Variants in WFDC9 observed in about 807,000 individuals in gnomAD.
The protein encoded by WFDC9 is protein WFDC9.
A neutral mutation model predicts 9.5 loss-of-function variants in WFDC9; 9 were observed. The ratio of observed to expected loss-of-function variants is 0.95; its 90% confidence interval spans 0.57 to 1.65. WFDC9 has a LOEUF of 1.65. Ranked by LOEUF, WFDC9 falls within the 40% of genes most tolerant of loss-of-function variation. WFDC9 has a pLI of 0.00. For missense variants in WFDC9, 87 were observed against 106.7 expected (o/e 0.82, Z 0.81); for synonymous variants, 33 against 32.3 (o/e 1.02, Z -0.07).
At chr20:45,609,207 C>T (rs1394262851) in intron 3 of WFDC9, among the ~76,000 whole-genome samples, 1 of 143,408 alleles carries the variant, frequency 7.0e-6, no homozygotes, top group Non-Finnish European at 1.5e-5. Context: ...TTCCCCTTCT[C>T]TTTTTTTTTT....
chr20:45,610,218 G>C lies in WFDC9; in HGVS notation c.-37C>G, dbSNP rs781207910. 6.3e-7 allele frequency: 1 copy of C among 1,585,122 alleles called. No homozygotes were observed. The highest frequency in any genetic ancestry group is 1.3e-5 in the African/African-American group (1 of 74,504). ...TGTGTATTTGGGTTAAGTTCTGGCA[G>C]AAGGCAAGTCTTTTCCCAATACTGC... On this transcript the variant is annotated 5_prime_UTR_variant, in exon 3 of 5. Coordinates refer to ENST00000326000, the MANE Select transcript of WFDC9 (RefSeq NM_147198.4).
At chr20:45,621,468 G>A (rs1982098420) in intron 1 of WFDC9, among the ~76,000 whole-genome samples, 1 of 152,196 alleles carries the variant, frequency 6.6e-6, no homozygotes, top group African/African-American at 2.4e-5. Context: ...CTGCTTACAA[G>A]GTTGGCTCTT....
chr20:45,630,715 G>C (rs999948524), intron 1 of WFDC9, among the ~76,000 whole-genome samples: 3 of 152,026 alleles, frequency 2.0e-5, no homozygotes, highest in Non-Finnish European at 4.4e-5. Context: ...CCAATCACTA[G>C]GATTTGGTGA....
chr20:45,625,054 G>A (rs1030611011), intron 1 of WFDC9, among the ~76,000 whole-genome samples: 1 of 152,148 alleles, frequency 6.6e-6, no homozygotes, highest in East Asian at 1.9e-4. Context: ...ACCTGAGACT[G>A]GGTAATTTAT....
At chr20:45,618,227 G>A (rs895584406) in intron 1 of WFDC9, among the ~76,000 whole-genome samples, 2 of 152,198 alleles carry the variant, frequency 1.3e-5, no homozygotes, top group African/African-American at 4.8e-5. Flanking sequence ...AAATTGAAGA[G>A]TTGGGGTCTT....
rs137887890 is a variant in WFDC9, at chr20:45,610,955, A to G, written c.-58-716T>C. Among the ~76,000 whole-genome samples, 473 of 152,352 alleles carry G rather than the reference A, an allele frequency of 3.1e-3. 3 individuals are homozygous for G. The highest frequency in any genetic ancestry group is 4.5e-3 in the Non-Finnish European group (309 of 68,038). The stretch of plus-strand genomic sequence containing the variant: ...CTATGTGATCCTAGAAGTCTATGGG[A>G]ACACAGTAGACTTGAATCATGACTG... On this transcript the variant is annotated intron_variant, in intron 2 of 4. Coordinates refer to ENST00000326000, the MANE Select transcript of WFDC9 (RefSeq NM_147198.4).
At chr20:45,622,738 T>C (rs1384868152) in intron 1 of WFDC9, among the ~76,000 whole-genome samples, 1 of 151,824 alleles carries the variant, frequency 6.6e-6, no homozygotes, top group Non-Finnish European at 1.5e-5. Flanking sequence ...CAATATCTAC[T>C]CTAATCTATT....
intron 1 of WFDC9, among the ~76,000 whole-genome samples, chr20:45,617,454 C>CA (rs901806721): frequency 7.9e-5 from 12 of 151,750 alleles, no homozygotes; most frequent in African/African-American, 2.9e-4. Context: ...GACTCCATCT[C>CA]AAAAAAAATT....
chr20:45,620,258 T>C (rs1255761712), intron 1 of WFDC9, among the ~76,000 whole-genome samples: 1 of 152,162 alleles, frequency 6.6e-6, no homozygotes, highest in Non-Finnish European at 1.5e-5. Context: ...TCATTTGGAA[T>C]TTTTTAGGCT....
chr20:45,613,205 A>C (rs1199275122), intron 2 of WFDC9, among the ~76,000 whole-genome samples: 1 of 152,222 alleles, frequency 6.6e-6, no homozygotes, highest in African/African-American at 2.4e-5. Flanking sequence ...ATTTATACAT[A>C]GGACGATGGG....
chr20:45,608,826 T>C lies in WFDC9; in HGVS notation c.92-16A>G. On this transcript the variant is annotated splice_polypyrimidine_tract_variant and intron_variant, in intron 3 of 4. Coordinates refer to ENST00000326000, the MANE Select transcript of WFDC9 (RefSeq NM_147198.4). The stretch of plus-strand genomic sequence containing the variant: ...ATATCTAGAACTGAGATGGAAGAAG[T>C]TAGCAGGGTCCGTCTATTCACAACT... The C allele has an allele frequency of 6.2e-7, 1 of 1,605,174 alleles. No homozygotes were observed. Among genetic ancestry groups the C allele is most frequent in the East Asian group, 2.2e-5 (1 of 44,526 alleles).
chr20:45,620,485 G>A (rs780056969), intron 1 of WFDC9, among the ~76,000 whole-genome samples: 7 of 151,780 alleles, frequency 4.6e-5, no homozygotes, highest in South Asian at 2.1e-4. Context: ...CCAGCTATTC[G>A]GGAGGCTGAG....
At chr20:45,625,968 T>C (rs1038238150) in intron 1 of WFDC9, among the ~76,000 whole-genome samples, 1 of 151,792 alleles carries the variant, frequency 6.6e-6, no homozygotes, top group Non-Finnish European at 1.5e-5. Flanking sequence ...ACTACAGGTA[T>C]GCACCACCAT....
chr20:45,608,174 C>G (rs200191490), intron 4 of WFDC9, 34 bp from the exon 5 acceptor site: 10 of 1,599,866 alleles, frequency 6.3e-6, no homozygotes, highest in Non-Finnish European at 8.5e-6. Context: ...AGTCAAGAAT[C>G]CTGGGATAAA....
intron 1 of WFDC9, among the ~76,000 whole-genome samples, chr20:45,618,672 C>T (rs576341411): frequency 3.3e-5 from 5 of 152,084 alleles, no homozygotes; most frequent in South Asian, 4.2e-4. Flanking sequence ...ATTTATTGTT[C>T]GCCATGTCCT....
intron 1 of WFDC9, among the ~76,000 whole-genome samples, chr20:45,625,867 A>G (rs1461496247): frequency 2.7e-5 from 3 of 110,632 alleles, no homozygotes; most frequent in Non-Finnish European, 5.0e-5. Flanking sequence ...CCCAGGCTGG[A>G]GTGCAGTGGC....
At chr20:45,617,286 C>T (rs1981992786) in intron 1 of WFDC9, among the ~76,000 whole-genome samples, 1 of 152,126 alleles carries the variant, frequency 6.6e-6, no homozygotes, top group African/African-American at 2.4e-5. Flanking sequence ...GAAACCCCAT[C>T]TCTACTAAAA....
intron 1 of WFDC9, among the ~76,000 whole-genome samples, chr20:45,617,045 A>G (rs116888969): frequency 7.7e-4 from 118 of 152,302 alleles, no homozygotes; most frequent in South Asian, 3.7e-3. Flanking sequence ...TCTTCTTCCA[A>G]TATAAGGCTG....
chr20:45,620,454 C>A (rs1034966463), intron 1 of WFDC9, among the ~76,000 whole-genome samples: 2 of 151,684 alleles, frequency 1.3e-5, no homozygotes, highest in Non-Finnish European at 2.9e-5. Flanking sequence ...TAGCTGGGTG[C>A]GGTGGCACAC....
Sources: allele counts gnomAD v4.1 joint callset (sites outside exome capture counted in the v4.1 genomes callset), GRCh38; gene constraint gnomAD v4.1.1; transcripts MANE v1.5; gene names NCBI Gene and HGNC (gene_info 2026-07-23, HGNC 2026-07-21).